Variants in MAP3K20 observed in about 807,000 individuals in gnomAD.
The protein encoded by MAP3K20 is HCCS-4.
MAP3K20 carries 40 observed loss-of-function variants against 85.7 expected under a neutral mutation model. The ratio of observed to expected loss-of-function variants is 0.47; its 90% confidence interval spans 0.36 to 0.61. MAP3K20 has a LOEUF of 0.61. Ranked by LOEUF, MAP3K20 falls within the 20% of genes least tolerant of loss-of-function variation. The probability of loss-of-function intolerance (pLI) is 0.00; values close to 1 mark genes in which losing one functional copy is unlikely to be tolerated. For missense variants in MAP3K20, 817 were observed against 961.7 expected (o/e 0.85, Z 1.99); for synonymous variants, 325 against 327.7 (o/e 0.99, Z 0.09).
At chr2:173,215,077 G>A (rs3769155) in intron 10 of MAP3K20, among the ~76,000 whole-genome samples, 30,593 of 152,162 alleles carry the variant, frequency 0.2, 4,228 homozygotes, top group East Asian at 0.57. Flanking sequence ...GCTCAAAATC[G>A]CAGTAGGCTC....
In MAP3K20 at chr2:173,191,284, C is replaced by T. The variant is rs1427301486; in HGVS notation, c.582+107C>T. 5 of 1,451,218 alleles carry T rather than the reference C, an allele frequency of 3.4e-6. No homozygotes were observed. In the East Asian group the frequency reaches 7.0e-5, roughly 20 times the overall value. The allele number at this position is 1,451,218 out of a possible 1,614,324, so 89.9% of individuals were successfully genotyped here. On this transcript the variant is annotated intron_variant, in intron 7 of 19. Transcript: ENST00000375213. ...GGTTTTATTTTTATTTGAGACTGTA[C>T]TGCTGGTGGAATGCCTAAAGCAGCA...
intron 7 of MAP3K20, chr2:173,193,105 G>A (rs1164445139): frequency 1.3e-5 from 2 of 152,216 alleles, no homozygotes; most frequent in Admixed American, 6.5e-5. Flanking sequence ...TAGGAACGTG[G>A]CTTGACCGTT....
At chr2:173,092,792 C>G (rs56342397) in intron 2 of MAP3K20, among the ~76,000 whole-genome samples, 42,690 of 152,068 alleles carry the variant, frequency 0.28, 7,410 homozygotes, top group Non-Finnish European at 0.39. Context: ...CCACTCCCCC[C>G]TCCCCAAGGA....
At chr2:173,233,639 GA>G (rs1684578857) in intron 14 of MAP3K20, among the ~76,000 whole-genome samples, 1 of 152,118 alleles carries the variant, frequency 6.6e-6, no homozygotes, top group South Asian at 2.1e-4. Context: ...GAATAAAGGA[GA>G]AAATTCAGAA....
chr2:173,229,561 A>AC (rs1234284407), intron 11 of MAP3K20, 128 bp from the exon 12 acceptor site: 15 of 1,194,738 alleles, frequency 1.3e-5, no homozygotes, highest in Non-Finnish European at 1.8e-5. Flanking sequence ...TTTCCATTCA[A>AC]CCCAACCTGC....
At position 173,106,547 on chromosome 2, in the gene MAP3K20, TTA is replaced by T. The variant is rs1687788101; in HGVS notation, c.159+15359_159+15360del. Among the ~76,000 whole-genome samples, 11 of 152,218 alleles carry T rather than the reference TTA, an allele frequency of 7.2e-5. No individual in the cohort carries two copies. In the South Asian group the frequency reaches 2.3e-3, roughly 32 times the overall value. ...GTATGGTTGCTGAGAAGCAATCAGG[TTA>T]TGTGTTTTCTTCAGCCATATTCAGC... On this transcript the variant is annotated intron_variant, in intron 2 of 19. Coordinates refer to ENST00000375213, the MANE Select transcript of MAP3K20 (RefSeq NM_016653.3).
At chr2:173,243,012 A>G (rs1293559249) in intron 16 of MAP3K20, among the ~76,000 whole-genome samples, 1 of 152,110 alleles carries the variant, frequency 6.6e-6, no homozygotes, top group Non-Finnish European at 1.5e-5. Flanking sequence ...GCCCAGAGTA[A>G]TAATTTTATC....
At chr2:173,096,563 C>T (rs1687468058) in intron 2 of MAP3K20, among the ~76,000 whole-genome samples, 1 of 152,296 alleles carries the variant, frequency 6.6e-6, no homozygotes, top group East Asian at 1.9e-4. Context: ...TGGTCTCGAT[C>T]TCCTGACCTC....
At chr2:173,090,955 AAT>A in intron 1 of MAP3K20, 41 bp from the exon 2 acceptor site, 1 of 1,531,846 alleles carries the variant, frequency 6.5e-7, no homozygotes, top group Admixed American at 2.1e-5. Flanking sequence ...GATTTAGCCT[AAT>A]ATATTTGTAA....
chr2:173,104,317 T>G (rs1687722699), intron 2 of MAP3K20, among the ~76,000 whole-genome samples: 1 of 152,172 alleles, frequency 6.6e-6, no homozygotes, highest in South Asian at 2.1e-4. Context: ...ATAACCCCAG[T>G]CTAGTCATGA....
chr2:173,125,880 T>G (rs1688428828), intron 2 of MAP3K20, among the ~76,000 whole-genome samples: 2 of 152,138 alleles, frequency 1.3e-5, no homozygotes, highest in African/African-American at 2.4e-5. Flanking sequence ...GCCAGGATGG[T>G]CTCGATCTCC....
intron 2 of MAP3K20, among the ~76,000 whole-genome samples, chr2:173,128,151 C>G (rs992486777): frequency 3.3e-5 from 5 of 151,970 alleles, no homozygotes; most frequent in African/African-American, 1.2e-4. Flanking sequence ...ATTTATTTTC[C>G]TCTGACACAA....
At chr2:173,165,294 G>C (rs1268427010) in intron 2 of MAP3K20, among the ~76,000 whole-genome samples, 1 of 152,044 alleles carries the variant, frequency 6.6e-6, no homozygotes, top group African/African-American at 2.4e-5. Flanking sequence ...GTGCGTGCCT[G>C]TAATTCCAGG....
chr2:173,134,878 T>C (rs945968401), intron 2 of MAP3K20, among the ~76,000 whole-genome samples: 1 of 152,056 alleles, frequency 6.6e-6, no homozygotes, highest in African/African-American at 2.4e-5. Flanking sequence ...AGGAAGTGGT[T>C]TAAAGTGTGG....
At chr2:173,236,291 AG>A (rs1559293729) in intron 14 of MAP3K20, among the ~76,000 whole-genome samples, 52 of 140,762 alleles carry the variant, frequency 3.7e-4, no homozygotes, top group African/African-American at 1.3e-3. Flanking sequence ...AAAAAAAAAA[AG>A]GCAGGGACAG....
intron 2 of MAP3K20, chr2:173,166,959 C>G (rs1274408067): frequency 7.2e-6 from 1 of 138,670 alleles, no homozygotes; most frequent in African/African-American, 2.7e-5. Context: ...TTCGCCCAGG[C>G]TGGACTGCAG....
At chr2:173,153,077 CTT>C (rs1008134533) in intron 2 of MAP3K20, among the ~76,000 whole-genome samples, 15 of 152,300 alleles carry the variant, frequency 9.8e-5, no homozygotes, top group African/African-American at 3.6e-4. Context: ...GGGAAACAAA[CTT>C]ATAAAAGATT....
At chr2:173,181,831 T>C (rs1690337694) in intron 3 of MAP3K20, among the ~76,000 whole-genome samples, 1 of 151,426 alleles carries the variant, frequency 6.6e-6, no homozygotes, top group African/African-American at 2.4e-5. Context: ...GTGGGATTGC[T>C]TGAGCTCAGG....
chr2:173,209,195 A>C (rs1234503671), intron 9 of MAP3K20, among the ~76,000 whole-genome samples: 1 of 152,222 alleles, frequency 6.6e-6, no homozygotes, highest in Non-Finnish European at 1.5e-5. Flanking sequence ...TAATCAGCAT[A>C]GTACCTGAAT....
Sources: gnomAD v4.1 joint callset for allele counts (sites outside exome capture counted in the v4.1 genomes callset) on GRCh38, gnomAD v4.1.1 for gene constraint, MANE v1.5 for transcripts, NCBI Gene and HGNC (gene_info 2026-07-23, HGNC 2026-07-21) for gene names.